Variants in KIAA1210 observed in about 807,000 individuals in gnomAD.
The protein encoded by KIAA1210 is acrosomal protein KIAA1210.
In KIAA1210, 48 loss-of-function variants were observed where a neutral mutation model predicts 78.9. That is an observed-to-expected ratio of 0.61 (90% CI 0.48 to 0.77). The LOEUF (loss-of-function observed/expected upper bound fraction) is 0.77, where lower values mean the gene tolerates loss of function less well. Ranked by LOEUF, KIAA1210 falls within the 30% of genes least tolerant of loss-of-function variation. The pLI, the probability that KIAA1210 is intolerant of heterozygous loss-of-function variation, is 0.00. For synonymous variants in KIAA1210, 406 were observed against 404.5 expected (o/e 1.00, Z -0.04); for missense variants, 1,108 against 1,100.0 (o/e 1.01, Z -0.10).
At chrX:119,147,001 G>A (rs1339415358) in intron 2 of KIAA1210, among the ~76,000 whole-genome samples, 1 of 111,727 alleles carries the variant, frequency 9.0e-6, no homozygotes, top group Non-Finnish European at 1.9e-5. Context: ...AGTGGAAGTT[G>A]GGTCTGATCT....
intron 8 of KIAA1210, among the ~76,000 whole-genome samples, chrX:119,090,428 C>T (rs767052953): frequency 6.3e-5 from 7 of 110,771 alleles, no homozygotes; most frequent in Non-Finnish European, 1.3e-4. Flanking sequence ...CATGCCACCA[C>T]GTCCAGATAA....
rs1443643622 is a variant in KIAA1210, at chrX:119,116,623, C to CA, written c.102dup (p.Val35CysfsTer2). The CA allele has an allele frequency of 1.7e-6, 2 of 1,204,497 alleles. No individual in the cohort carries two copies. The highest frequency in any genetic ancestry group is 2.2e-6 in the Non-Finnish European group (2 of 891,866). ...TCGGCTTCTTTTTCCTTCTTCTTAA[C>CA]AAAAAAGCTCTTAAGGGCTTTAAAT... On this transcript the variant is annotated frameshift_variant, in exon 3 of 12. Coordinates refer to ENST00000691062, the MANE Select transcript of KIAA1210 (RefSeq NM_001394962.1). LOFTEE classifies it high-confidence loss of function.
chrX:119,120,080 G>T (rs1371257534), intron 2 of KIAA1210, among the ~76,000 whole-genome samples: 1 of 111,268 alleles, frequency 9.0e-6, no homozygotes, highest in Non-Finnish European at 1.9e-5. Flanking sequence ...GAAACAGGGG[G>T]ATTGCTTGAG....
At chrX:119,125,215 T>C in intron 1 of KIAA1210, among the ~76,000 whole-genome samples, 1 of 111,644 alleles carries the variant, frequency 9.0e-6, no homozygotes, top group Admixed American at 9.5e-5. Flanking sequence ...ATTACATTGC[T>C]GACGAAGGTG....
intron 2 of KIAA1210, among the ~76,000 whole-genome samples, chrX:119,143,754 G>T (rs909388779): frequency 8.9e-6 from 1 of 112,095 alleles, no homozygotes; most frequent in Non-Finnish European, 1.9e-5. Context: ...GGTGACAAGG[G>T]AACTCATATT....
In KIAA1210 at chrX:119,080,027, T is replaced by C. The variant is rs6603475; in HGVS notation, c.*1302A>G. ...GAGCTCCAGTGGCTCCAGATGTGCATCAAGGCAGTAAGCTTGCCATCTGCC... is the reference window on the plus strand; with the variant it reads ...GAGCTCCAGTGGCTCCAGATGTGCACCAAGGCAGTAAGCTTGCCATCTGCC... On this transcript the variant is annotated 3_prime_UTR_variant, in exon 12 of 12. Transcript: ENST00000691062. The C allele has an allele frequency of 1.8e-5, 2 of 111,064 alleles. No individual in the cohort carries two copies. Among genetic ancestry groups the C allele is most frequent in the African/African-American group, 6.6e-5 (2 of 30,331 alleles). 9.2% of individuals were successfully genotyped at this position (111,064 alleles called of 1,213,427 possible). A position where few individuals can be genotyped will look rare whatever the true frequency, so the allele number is the denominator to read the frequency against.
chrX:119,079,424 G>A lies in KIAA1210; in HGVS notation c.*1905C>T, dbSNP rs939744754. 1 of 111,815 alleles carries A rather than the reference G, an allele frequency of 8.9e-6. No homozygotes were observed. The highest frequency in any genetic ancestry group is 2.8e-4 in the East Asian group (1 of 3,568). 9.2% of individuals were successfully genotyped at this position (111,815 alleles called of 1,213,427 possible). A position where few individuals can be genotyped will look rare whatever the true frequency, so the allele number is the denominator to read the frequency against. On this transcript the variant is annotated 3_prime_UTR_variant, in exon 12 of 12. Coordinates refer to ENST00000691062, the MANE Select transcript of KIAA1210 (RefSeq NM_001394962.1). The stretch of plus-strand genomic sequence containing the variant: ...GGAGCTCTCCCTTAGTGTTTGGTGG[G>A]TTTGGGGGATGGAATGAAGAGAAAG...
chrX:119,094,861 G>T lies in KIAA1210; in HGVS notation c.847-1086C>A, dbSNP rs145860552. On this transcript the variant is annotated intron_variant, in intron 7 of 11. Coordinates refer to ENST00000691062, the MANE Select transcript of KIAA1210 (RefSeq NM_001394962.1). Reference sequence around the variant, plus strand: ...AGGCTATACAGAAAGAAGAAAGTTAGAAGGGTCATACTGCTTCCCTCAGCC... The same window carrying T: ...AGGCTATACAGAAAGAAGAAAGTTATAAGGGTCATACTGCTTCCCTCAGCC... Among the ~76,000 whole-genome samples the T allele has an allele frequency of 5.4e-5, 6 of 111,804 alleles. No homozygotes were observed. In the East Asian group the frequency reaches 1.7e-3, roughly 31 times the overall value.
At chrX:119,115,073 A>T (rs963409985) in intron 3 of KIAA1210, among the ~76,000 whole-genome samples, 1 of 111,581 alleles carries the variant, frequency 9.0e-6, no homozygotes, top group Non-Finnish European at 1.9e-5. Context: ...GTTATGACTA[A>T]TTGCTTCAGT....
chrX:119,095,889 C>T lies in KIAA1210; in HGVS notation c.846+605G>A, dbSNP rs191025636. Among the ~76,000 whole-genome samples, 409 of 111,784 alleles carry T rather than the reference C, an allele frequency of 3.7e-3. 1 individual carries two copies. Among genetic ancestry groups the T allele is most frequent in the African/African-American group, 0.013 (387 of 30,764 alleles). ...GTTCTTGAGCCCCTATATTAAATGG[C>T]CCCAGATTGTTTCTGTCATTCTGTC... On this transcript the variant is annotated intron_variant, in intron 7 of 11. Transcript: ENST00000691062.
chrX:119,123,578 T>C lies in KIAA1210; in HGVS notation c.61+4A>G. 1 of 1,184,554 alleles carries C rather than the reference T, an allele frequency of 8.4e-7. No homozygotes were observed. Among genetic ancestry groups the C allele is most frequent in the Non-Finnish European group, 1.1e-6 (1 of 872,505 alleles). On this transcript the variant is annotated splice_donor_region_variant and intron_variant, in intron 2 of 11. Transcript: ENST00000691062. ...GGTTATCAAAGTTTTATTGGGTTAC[T>C]TACCCTCATCACCGGCCTCCAGAAC...
exon 1 of KIAA1210, chrX:119,150,492 G>A (rs771261056): frequency 5.0e-6 from 6 of 1,211,368 alleles, no homozygotes; most frequent in South Asian, 3.5e-5. Flanking sequence ...CGGTCCCTGG[G>A]GCCCAGGTGA....
At chrX:119,125,737 T>TA (rs1257970746) in intron 1 of KIAA1210, among the ~76,000 whole-genome samples, 8 of 9,987 alleles carry the variant, frequency 8.0e-4, no homozygotes, top group African/African-American at 1.9e-3. Context: ...ATATATATAT[T>TA]TTTTTTTTTT....
chrX:119,093,036 G>A (rs1322959398), intron 8 of KIAA1210, among the ~76,000 whole-genome samples: 2 of 110,968 alleles, frequency 1.8e-5, no homozygotes, highest in Non-Finnish European at 3.8e-5. Context: ...GCCATCAACT[G>A]GAGCCAACAT....
chrX:119,086,559 A>G lies in KIAA1210; in HGVS notation c.4143T>C (p.Ala1381=). The G allele has an allele frequency of 8.3e-7, 1 of 1,202,906 alleles. No homozygotes were observed. The highest frequency in any genetic ancestry group is 1.1e-6 in the Non-Finnish European group (1 of 892,175). ...TAAAAGCCTTACCTGGGGTCTTGCAAGCAGGTTGCTTCTTGGCCATGCTTT... is the reference window on the plus strand; with the variant it reads ...TAAAAGCCTTACCTGGGGTCTTGCAGGCAGGTTGCTTCTTGGCCATGCTTT... The part of the protein sequence containing the change: ...KSESMAKKQP[A]CKTPGKPAGQ... Residue 1381 remains alanine, a synonymous_variant, in exon 9 of 12, where the codon GCT becomes GCC. Coordinates refer to ENST00000691062, the MANE Select transcript of KIAA1210 (RefSeq NM_001394962.1).
Position 119,087,023 on chromosome X carries a change from C to A in KIAA1210, c.3679G>T (p.Ala1227Ser), listed in dbSNP as rs201193669. ...SDNWFLGRDE[A>S]FAIKTKKFSQ... ...AATTTCTTGGTTTTGATTGCAAAAG[C>A]TTCATCTCTTCCTAGGAACCAATTG... is the stretch of plus-strand genomic sequence containing the variant. Residue 1227 changes from alanine (A) to serine (S), a missense_variant, in exon 9 of 12, where the codon GCT becomes TCT. This residue lies in a region of KIAA1210 where 245 missense variants were observed against 278.8 expected (regional missense o/e 0.88). Coordinates refer to ENST00000691062, the MANE Select transcript of KIAA1210 (RefSeq NM_001394962.1). The A allele has an allele frequency of 1.6e-3, 1,961 of 1,209,560 alleles. 7 individuals carry two copies. The highest frequency in any genetic ancestry group is 1.8e-3 in the Non-Finnish European group (1,624 of 895,006).
In KIAA1210 at chrX:119,088,844, G is replaced by C; in HGVS notation, c.1858C>G (p.Leu620Val). The change falls in exon 9 of 12, where the codon CTG (leucine) becomes GTG (valine). Residue 620 changes from leucine (L) to valine (V), a missense_variant. Physicochemically the swap from Leu to Val is conservative, Grantham distance 32 (BLOSUM62 1). Coordinates refer to ENST00000691062, the MANE Select transcript of KIAA1210 (RefSeq NM_001394962.1). ...GACTGGGAAGAGTGACCATGAGCCA[G>C]TTCTTCAGAACCATCCCCCTCCTCA... ...IPEEGDGSEE[L>V]AHGHSSQSLG... 2 of 1,211,422 alleles carry C rather than the reference G, an allele frequency of 1.7e-6. No individual in the cohort carries two copies. The highest frequency in any genetic ancestry group is 2.2e-6 in the Non-Finnish European group (2 of 895,316).
rs139176119 is a variant in KIAA1210, at chrX:119,096,459, C to G, written c.846+35G>C. On this transcript the variant is annotated intron_variant, in intron 7 of 11. Coordinates refer to ENST00000691062, the MANE Select transcript of KIAA1210 (RefSeq NM_001394962.1). ...AGGTTGGAACTCATCTTTTCTTATA[C>G]AGGAGTTTAGTGCCCTGTCTCTTGA... 3.5e-6 allele frequency: 4 copies of G among 1,134,536 alleles called. No homozygotes were observed. In the African/African-American group the frequency reaches 7.2e-5, roughly 21 times the overall value. 93.5% of individuals were successfully genotyped at this position (1,134,536 alleles called of 1,213,427 possible).
In KIAA1210 at chrX:119,088,911, C is replaced by T. The variant is rs377554060; in HGVS notation, c.1791G>A (p.Lys597=). The T allele has an allele frequency of 2.0e-4, 243 of 1,209,686 alleles. 1 individual carries two copies. The African/African-American group carries it at 3.5e-3, about 18-fold the overall frequency. Residue 597 remains lysine (K), a synonymous_variant, in exon 9 of 12, where the codon AAG becomes AAA. Coordinates refer to ENST00000691062, the MANE Select transcript of KIAA1210 (RefSeq NM_001394962.1). ...PPRSLFQSSR[K]PDAEEVSSDS... ...CTGAGGAGACTTCTTCAGCATCAGG[C>T]TTCCTTGAGGACTGAAAAAGGCTTC...
Sources: gnomAD v4.1 joint callset for allele counts (sites outside exome capture counted in the v4.1 genomes callset) on GRCh38, gnomAD v4.1.1 for gene constraint, gnomAD v4.1.1 regional missense constraint, MANE v1.5 for transcripts, NCBI Gene and HGNC (gene_info 2026-07-23, HGNC 2026-07-21) for gene names.